Variants in NES observed in about 807,000 individuals in gnomAD.
NES encodes the protein nestin.
NES carries 27 observed loss-of-function variants against 35.6 expected under a neutral mutation model. That is an observed-to-expected ratio of 0.76 (90% CI 0.56 to 1.04). The LOEUF is 1.04. NES is among the 50% of genes least tolerant of loss of function. The pLI is 0.00. For synonymous variants in NES, 822 were observed against 824.2 expected (o/e 1.00, Z 0.04); for missense variants, 1,867 against 1,983.6 (o/e 0.94, Z 1.12).
chr1:156,672,487 T>C lies in NES; in HGVS notation c.1701A>G (p.Thr567=), dbSNP rs774256402. 1 of 1,612,820 alleles carries C rather than the reference T, an allele frequency of 6.2e-7. No individual in the cohort carries two copies. The highest frequency in any genetic ancestry group is 2.2e-5 in the East Asian group (1 of 44,868). The change falls in exon 4 of 4, where the codon ACA becomes ACG. Residue 567 remains threonine (T), a synonymous_variant. Transcript: ENST00000368223. ...GACATTCTTGATTCTCCCTTTCTAG[T>C]GTCTCATGGCTCTGGTTTTCCAGAG... The part of the protein sequence containing the change: ...LKTLENQSHE[T]LERENQECPR...
In NES at chr1:156,676,566, T is replaced by G; in HGVS notation, c.699A>C (p.Gly233=). ...LELQQLQAER[G]GLLERRAALE... is the part of the protein sequence containing the mutation. ...ACGCTGCCCTGCGCTCCAGGAGGCC[T>G]CCGCGCTCAGCCTGGAGCTGCTGCA... is the stretch of plus-strand genomic sequence containing the variant. Residue 233 remains glycine, a synonymous_variant, in exon 1 of 4, where the codon GGA becomes GGC. Transcript: ENST00000368223. The surrounding 1 kb of genome is among the most constrained non-coding windows in gnomAD (Gnocchi z 5.3). The G allele has an allele frequency of 6.3e-7, 1 of 1,590,024 alleles. No homozygotes were observed. Among genetic ancestry groups the G allele is most frequent in the African/African-American group, 1.3e-5 (1 of 74,598 alleles).
In NES at chr1:156,672,952, G is replaced by A; in HGVS notation, c.1236C>T (p.Leu412=). 1.2e-6 allele frequency: 2 copies of A among 1,614,098 alleles called. No homozygotes were observed. Among genetic ancestry groups the A allele is most frequent in the Non-Finnish European group, 1.7e-6 (2 of 1,180,032 alleles). ...DAEIRAQDAP[L]SLLQTQGGRK... Reference sequence around the variant, plus strand: ...TCCCACCCTGTGTCTGGAGCAGAGAGAGAGGAGCATCCTGGGCTCTGATCT... The same window carrying A: ...TCCCACCCTGTGTCTGGAGCAGAGAAAGAGGAGCATCCTGGGCTCTGATCT... The change falls in exon 4 of 4, where the codon CTC becomes CTT. Residue 412 remains leucine (L), a synonymous_variant. Coordinates refer to ENST00000368223, the MANE Select transcript of NES (RefSeq NM_006617.2).
At chr1:156,675,173 T>A (rs1558000087) in intron 2 of NES, 43 bp downstream of exon 2, 3 of 1,600,598 alleles carry the variant, frequency 1.9e-6, no homozygotes, top group Non-Finnish European at 2.6e-6. Flanking sequence ...CCAGCATGTG[T>A]GTGTGCCTCT....
At chr1:156,675,489 T>A (rs1270258814) in intron 1 of NES, 149 bp from the exon 2 acceptor site, 1 of 842,310 alleles carries the variant, frequency 1.2e-6, no homozygotes, top group Admixed American at 3.1e-5. Context: ...CCCTACCCTA[T>A]TCCCTGCCCA....
At position 156,669,679 on chromosome 1, in the gene NES, G is replaced by T. The variant is rs780851506; in HGVS notation, c.4509C>A (p.Asp1503Glu). 1 of 1,613,870 alleles carries T rather than the reference G, an allele frequency of 6.2e-7. No individual in the cohort carries two copies. The highest frequency in any genetic ancestry group is 1.3e-5 in the African/African-American group (1 of 74,898). ...TGTCCTCCCTCTCCAAGGAAACAGG[G>T]TCAGACTCTTCCTCTGAGCCAGAAG... ...AEPSGSEEESDPVSLEREDKV... is the reference protein window; with the variant it reads ...AEPSGSEEESEPVSLEREDKV... The change falls in exon 4 of 4, where the codon GAC becomes GAA. Residue 1503 changes from aspartate (D) to glutamate (E), a missense_variant. By Grantham distance (45) the Asp-to-Glu change is conservative. Transcript: ENST00000368223.
Position 156,675,271 on chromosome 1 carries a change from G to A in NES, c.853C>T (p.Arg285Trp), listed in dbSNP as rs1023410620. ...ATCTTGAGGTGCGCCAGCTGCTGCC[G>A]ACCTTCCAGGACCTGAGCGATCTGG... is the stretch of plus-strand genomic sequence containing the variant. Reference protein sequence around the residue: ...QSQIAQVLEGRQQLAHLKMSL... With the variant: ...QSQIAQVLEGWQQLAHLKMSL... The change falls in exon 2 of 4, where the codon CGG becomes TGG. Residue 285 changes from arginine (R) to tryptophan (W), a missense_variant. Arg to Trp is a moderately radical substitution (Grantham distance 101). Transcript: ENST00000368223. The A allele has an allele frequency of 5.6e-6, 9 of 1,613,544 alleles. No individual in the cohort carries two copies. The highest frequency in any genetic ancestry group is 5.0e-5 in the Admixed American group (3 of 59,982).
chr1:156,675,434 C>G, intron 1 of NES, 94 bp from the exon 2 acceptor site: 1 of 1,406,334 alleles, frequency 7.1e-7, no homozygotes, highest in Non-Finnish European at 9.5e-7. Context: ...CGGGAAGCAC[C>G]TCCTGCTCCC....
rs769763881 is a variant in NES at position 156,672,359 on chromosome 1, G to C, written c.1829C>G (p.Ala610Gly). The C allele has an allele frequency of 3.4e-5, 55 of 1,612,806 alleles. No homozygotes were observed. Among genetic ancestry groups the C allele is most frequent in the Non-Finnish European group, 4.5e-5 (53 of 1,179,854 alleles). Residue 610 changes from alanine (A) to glycine (G), a missense_variant, in exon 4 of 4, where the codon GCT becomes GGT. Transcript: ENST00000368223. Reference sequence around the variant, plus strand: ...TCCTGTAGGCTTAAGTTGGCCTACAGCCTCTTTTTCTAGAGGTCTCACTAC... The same window carrying C: ...TCCTGTAGGCTTAAGTTGGCCTACACCCTCTTTTTCTAGAGGTCTCACTAC... ...VEVVRPLEKE[A>G]VGQLKPTGKE...
At position 156,671,051 on chromosome 1, in the gene NES, T is replaced by A; in HGVS notation, c.3137A>T (p.Gln1046Leu). The change falls in exon 4 of 4, where the codon CAA (glutamine) becomes CTA (leucine). Residue 1046 changes from glutamine (Q) to leucine (L), a missense_variant. By Grantham distance (113) the Gln-to-Leu change is moderately radical. Coordinates refer to ENST00000368223, the MANE Select transcript of NES (RefSeq NM_006617.2). Reference sequence around the variant, plus strand: ...CTGGAGGCCTGGGGCCCCCACCTGTTGTGATTGCCCTTCAGGGTCCTGGAG... The same window carrying A: ...CTGGAGGCCTGGGGCCCCCACCTGTAGTGATTGCCCTTCAGGGTCCTGGAG... ...EGLQDPEGQS[Q>L]QVGAPGLQAP... The A allele has an allele frequency of 6.2e-7, 1 of 1,613,610 alleles. No homozygotes were observed. The highest frequency in any genetic ancestry group is 1.3e-5 in the African/African-American group (1 of 75,006).
At position 156,677,110 on chromosome 1, in the gene NES, C is replaced by T; in HGVS notation, c.155G>A (p.Trp52Ter). 1 of 1,606,090 alleles carries T rather than the reference C, an allele frequency of 6.2e-7. No individual in the cohort carries two copies. The highest frequency in any genetic ancestry group is 8.5e-7 in the Non-Finnish European group (1 of 1,177,188). The part of the protein sequence containing the change: ...GLRAQSADTS[W>*]RAHADDELAA... ...CAGCTCGTCGTCGGCATGCGCCCGC[C>T]AGGAGGTGTCCGCGGATTGTGCCCG... Residue 52 changes from tryptophan to a stop codon, truncating the protein, a stop_gained, in exon 1 of 4, where the codon TGG (tryptophan) becomes TAG (stop). Coordinates refer to ENST00000368223, the MANE Select transcript of NES (RefSeq NM_006617.2). LOFTEE classifies it high-confidence loss of function. The surrounding 1 kb of genome is among the most constrained non-coding windows in gnomAD (Gnocchi z 4.5).
Position 156,673,088 on chromosome 1 carries a change from G to A in NES, c.1100C>T (p.Pro367Leu), listed in dbSNP as rs111436671. The A allele has an allele frequency of 8.7e-6, 14 of 1,605,614 alleles. No homozygotes were observed. In the African/African-American group the frequency reaches 1.1e-4, roughly 12 times the overall value. ...PSPLPATLET[P>L]VPAFLKNQEF... The stretch of plus-strand genomic sequence containing the variant: ...TTGGTTCTTAAGAAAGGCTGGCACA[G>A]GTGTCTCAAGGGTAGCAGGCAAGGG... The change falls in exon 4 of 4, where the codon CCT (proline) becomes CTT (leucine). Residue 367 changes from proline (P) to leucine (L), a missense_variant. Physicochemically the swap from Pro to Leu is moderately conservative, Grantham distance 98. Coordinates refer to ENST00000368223, the MANE Select transcript of NES (RefSeq NM_006617.2).
At position 156,676,871 on chromosome 1, in the gene NES, C is replaced by CT; in HGVS notation, c.393dup (p.Glu132ArgfsTer100). ...AGAGCCTCTAGCTCGCGCTCCAGCTCTGCCACCTGGCTACTCAGCCAGGCC... is the reference window on the plus strand; with the variant it reads ...AGAGCCTCTAGCTCGCGCTCCAGCTCTTGCCACCTGGCTACTCAGCCAGGCC... On this transcript the variant is annotated frameshift_variant, in exon 1 of 4. Coordinates refer to ENST00000368223, the MANE Select transcript of NES (RefSeq NM_006617.2). LOFTEE classifies it high-confidence loss of function. The surrounding 1 kb of genome is among the most constrained non-coding windows in gnomAD (Gnocchi z 5.3). The CT allele has an allele frequency of 6.5e-7, 1 of 1,533,674 alleles. No homozygotes were observed. Among genetic ancestry groups the CT allele is most frequent in the Non-Finnish European group, 8.7e-7 (1 of 1,152,824 alleles).
Position 156,676,589 on chromosome 1 carries a change from G to T in NES, c.676C>A (p.Gln226Lys). 6.3e-7 allele frequency: 1 copy of T among 1,578,520 alleles called. No individual in the cohort carries two copies. The highest frequency in any genetic ancestry group is 8.5e-7 in the Non-Finnish European group (1 of 1,170,462). The change falls in exon 1 of 4, where the codon CAG becomes AAG. Residue 226 changes from glutamine to lysine, a missense_variant. By Grantham distance (53) the Gln-to-Lys change is moderately conservative. Transcript: ENST00000368223. The surrounding 1 kb of genome is among the most constrained non-coding windows in gnomAD (Gnocchi z 5.3). ...CCTCCGCGCTCAGCCTGGAGCTGCT[G>T]CAGCTCCAGGCGGCCCTCGCGGGCA... ...QGAREGRLEL[Q>K]QLQAERGGLL... is the part of the protein sequence containing the mutation.
rs1679714410 is a variant in NES at position 156,671,016 on chromosome 1, C to T, written c.3172G>A (p.Gly1058Arg). ...AGGGGCTCTATCGCCTCTGGCAGCC[C>T]CTGGGGAGCCTGGAGGCCTGGGGCC... ...VGAPGLQAPQ[G>R]LPEAIEPLVE... is the part of the protein sequence containing the mutation. Residue 1058 changes from glycine (G) to arginine (R), a missense_variant, in exon 4 of 4, where the codon GGG becomes AGG. Physicochemically the swap from Gly to Arg is moderately radical, Grantham distance 125 (BLOSUM62 -2). Coordinates refer to ENST00000368223, the MANE Select transcript of NES (RefSeq NM_006617.2). 6.2e-7 allele frequency: 1 copy of T among 1,612,562 alleles called. No individual in the cohort carries two copies. The highest frequency in any genetic ancestry group is 8.5e-7 in the Non-Finnish European group (1 of 1,179,612).
In NES at chr1:156,676,396, C is replaced by A; in HGVS notation, c.783+86G>T. The A allele has an allele frequency of 7.2e-7, 1 of 1,396,742 alleles. No individual in the cohort carries two copies. Among genetic ancestry groups the A allele is most frequent in the Admixed American group, 1.9e-5 (1 of 52,094 alleles). The allele number at this position is 1,396,742 out of a possible 1,614,324, so 86.5% of individuals were successfully genotyped here. A position where few individuals can be genotyped will look rare whatever the true frequency, so the allele number is the denominator to read the frequency against. On this transcript the variant is annotated intron_variant, in intron 1 of 3. Coordinates refer to ENST00000368223, the MANE Select transcript of NES (RefSeq NM_006617.2). This position sits in a 1 kb window ranked among gnomAD's most constrained non-coding sequence, Gnocchi z 5.3. ...GATTCAGCAGCCAGCTAGCCCCACT[C>A]CCTTCCCAGAAGGTCTCTGAGCTTC...
At position 156,669,737 on chromosome 1, in the gene NES, G is replaced by C. The variant is rs1199649281; in HGVS notation, c.4451C>G (p.Ala1484Gly). Reference protein sequence around the residue: ...RGAVAGAPKTALETESQDSAE... With the variant: ...RGAVAGAPKTGLETESQDSAE... ...ACTGTCCTGGGACTCCGTTTCCAGG[G>C]CAGTCTTGGGGGCACCAGCCACTGC... Residue 1484 changes from alanine to glycine, a missense_variant, in exon 4 of 4, where the codon GCC (alanine) becomes GGC (glycine). Transcript: ENST00000368223. The C allele has an allele frequency of 6.2e-7, 1 of 1,613,844 alleles. No homozygotes were observed. The highest frequency in any genetic ancestry group is 2.2e-5 in the East Asian group (1 of 44,878).
chr1:156,675,483 A>C, intron 1 of NES, 143 bp from the exon 2 acceptor site: 2 of 955,564 alleles, frequency 2.1e-6, no homozygotes, highest in East Asian at 2.8e-5. Flanking sequence ...CGCCTCCCCT[A>C]CCCTATTCCC....
chr1:156,669,980 C>T lies in NES; in HGVS notation c.4208G>A (p.Trp1403Ter). ...CCCATCGGACTCCCCATCTCGATCC[C>T]AGGCTGCAGGATCCAGTAGCAGCTG... Reference protein sequence around the residue: ...VPQLLLDPAAWDRDGESDGFA... With the variant: ...VPQLLLDPAA Residue 1403 changes from tryptophan (W) to a stop codon, truncating the protein, a stop_gained, in exon 4 of 4, where the codon TGG becomes TAG. Transcript: ENST00000368223. LOFTEE classifies it low-confidence loss of function (END_TRUNC). 6.2e-7 allele frequency: 1 copy of T among 1,613,876 alleles called. No homozygotes were observed. The highest frequency in any genetic ancestry group is 1.7e-5 in the Admixed American group (1 of 60,016).
Position 156,669,306 on chromosome 1 carries a change from G to C in NES, c.*16C>G. The C allele has an allele frequency of 1.3e-6, 2 of 1,524,028 alleles. No homozygotes were observed. The highest frequency in any genetic ancestry group is 1.8e-6 in the Non-Finnish European group (2 of 1,129,748). The allele number at this position is 1,524,028 out of a possible 1,614,324, so 94.4% of individuals were successfully genotyped here. On this transcript the variant is annotated 3_prime_UTR_variant, in exon 4 of 4. Transcript: ENST00000368223. Reference sequence around the variant, plus strand: ...CCGCACCCCTAAGTCCCCAGTGCCGGGCAGATGGTCTTTTCCTAGTCCTCC... The same window carrying C: ...CCGCACCCCTAAGTCCCCAGTGCCGCGCAGATGGTCTTTTCCTAGTCCTCC...
Sources: gnomAD v4.1 joint callset for allele counts on GRCh38, gnomAD v4.1.1 for gene constraint, Gnocchi (gnomAD v3.1) non-coding constraint, MANE v1.5 for transcripts, NCBI Gene and HGNC (gene_info 2026-07-23, HGNC 2026-07-21) for gene names.